The following QARS1 variants were observed in gnomAD, a reference collection of about 807,000 sequenced individuals.
QARS1 encodes the protein glutamine--tRNA ligase.
A neutral mutation model predicts 106.9 loss-of-function variants in QARS1; 79 were observed. The observed-to-expected ratio is 0.74, with a 90% CI of 0.62 to 0.89. The LOEUF (loss-of-function observed/expected upper bound fraction) is 0.89, where lower values mean the gene tolerates loss of function less well. Ranked by LOEUF, QARS1 falls within the 40% of genes least tolerant of loss-of-function variation. QARS1 has a pLI of 0.00. For missense variants in QARS1, 966 were observed against 997.2 expected (o/e 0.97, Z 0.42); for synonymous variants, 395 against 367.7 (o/e 1.07, Z -0.85).
rs1215632056 is a variant in QARS1 at position 49,097,974 on chromosome 3, G to T, written c.2277+18C>A. ...CTGTCACTGCTGCAGATGAGGGCAG[G>T]TGAGTAAAGTCAAGCACCTTTCCCT... is the stretch of plus-strand genomic sequence containing the variant. On this transcript the variant is annotated intron_variant, in intron 23 of 23. Coordinates refer to ENST00000306125, the MANE Select transcript of QARS1 (RefSeq NM_005051.3). 7 of 1,613,940 alleles carry T rather than the reference G, an allele frequency of 4.3e-6. No individual in the cohort carries two copies. The highest frequency in any genetic ancestry group is 1.3e-5 in the African/African-American group (1 of 74,928).
At position 49,096,092 on chromosome 3, in the gene QARS1, G is replaced by A. The variant is rs776993371; in HGVS notation, c.2278-13C>T. Reference sequence around the variant, plus strand: ...GGTTAAAGACAAGCTGGAGGGCAGAGGGAAAAGGATGACCACCAACCCAGA... The same window carrying A: ...GGTTAAAGACAAGCTGGAGGGCAGAAGGAAAAGGATGACCACCAACCCAGA... On this transcript the variant is annotated splice_polypyrimidine_tract_variant and intron_variant, in intron 23 of 23. Transcript: ENST00000306125. 4 of 1,613,448 alleles carry A rather than the reference G, an allele frequency of 2.5e-6. No individual in the cohort carries two copies. Among genetic ancestry groups the A allele is most frequent in the South Asian group, 2.2e-5 (2 of 90,914 alleles).
Position 49,104,712 on chromosome 3 carries a change from A to G in QARS1, c.22T>C (p.Ser8Pro). The G allele has an allele frequency of 1.2e-6, 2 of 1,612,862 alleles. No individual in the cohort carries two copies. Among genetic ancestry groups the G allele is most frequent in the Non-Finnish European group, 1.7e-6 (2 of 1,179,398 alleles). The change falls in exon 1 of 24, where the codon TCG (serine) becomes CCG (proline). Residue 8 changes from serine to proline, a missense_variant. Transcript: ENST00000306125. Reference sequence around the variant, plus strand: ...CTCAGGCCGAGGCTAGTGAAGAGCGACAGGGAGTCTAGAGCCGCCATTGCA... The same window carrying G: ...CTCAGGCCGAGGCTAGTGAAGAGCGGCAGGGAGTCTAGAGCCGCCATTGCA... MAALDSL[S>P]LFTSLGLSEQ...
At chr3:49,103,463 A>C in intron 4 of QARS1, 54 bp from the exon 5 acceptor site, 1 of 1,598,526 alleles carries the variant, frequency 6.3e-7, no homozygotes. Flanking sequence ...TACTCCCCCC[A>C]CCTCTTTCCC....
At chr3:49,102,340 C>G (rs1267471360) in intron 6 of QARS1, 75 bp from the exon 7 acceptor site, 1 of 1,612,610 alleles carries the variant, frequency 6.2e-7, no homozygotes, top group African/African-American at 1.3e-5. Context: ...TCCCTGTGGT[C>G]AGACACTTCC....
Position 49,104,629 on chromosome 3 carries a change from C to G in QARS1, c.105G>C (p.Glu35Asp). The G allele has an allele frequency of 6.2e-7, 1 of 1,604,834 alleles. No individual in the cohort carries two copies. Among genetic ancestry groups the G allele is most frequent in the African/African-American group, 1.3e-5 (1 of 74,866 alleles). ...KNSALSAQLR[E>D]AATQAQQTLG... ...GAGGGGCTCGCACCTGAGTAGCGGC[C>G]TCGCGCAGCTGCGCGCTCAGAGCCG... Residue 35 changes from glutamate to aspartate, a missense_variant, in exon 1 of 24, where the codon GAG becomes GAC. Coordinates refer to ENST00000306125, the MANE Select transcript of QARS1 (RefSeq NM_005051.3).
chr3:49,099,163 T>C lies in QARS1; in HGVS notation c.1705A>G (p.Met569Val), dbSNP rs1182421210. The C allele has an allele frequency of 6.2e-7, 1 of 1,614,182 alleles. No individual in the cohort carries two copies. The highest frequency in any genetic ancestry group is 1.1e-5 in the South Asian group (1 of 91,086). ...DVLNDTAPRA[M>V]AVLESLRVII... is the part of the protein sequence containing the mutation. Reference sequence around the variant, plus strand: ...ACCCGTAGTGACTCCAGCACAGCCATGGCTCGTGGGGCTGTGTCATTCAGC... The same window carrying C: ...ACCCGTAGTGACTCCAGCACAGCCACGGCTCGTGGGGCTGTGTCATTCAGC... Residue 569 changes from methionine (M) to valine (V), a missense_variant, in exon 18 of 24, where the codon ATG becomes GTG. Physicochemically the swap from Met to Val is conservative, Grantham distance 21. Transcript: ENST00000306125.
At chr3:49,100,931 G>T (rs1411541143) in intron 10 of QARS1, among the ~76,000 whole-genome samples, 1 of 152,126 alleles carries the variant, frequency 6.6e-6, no homozygotes, top group Admixed American at 6.5e-5. Context: ...TAGTAGAGAT[G>T]GGGTTTCACC....
At chr3:49,098,283 C>G (rs759914821) in intron 21 of QARS1, 25 bp from the exon 22 acceptor site, 6 of 1,614,174 alleles carry the variant, frequency 3.7e-6, no homozygotes, top group Non-Finnish European at 5.1e-6. Context: ...AAGGTCATAC[C>G]CCCAGCTGGG....
In QARS1 at chr3:49,098,379, C is replaced by T. The variant is rs765497781; in HGVS notation, c.2058G>A (p.Met686Ile). Residue 686 changes from methionine (M) to isoleucine (I), a missense_variant, in exon 21 of 24, where the codon ATG becomes ATA. By Grantham distance (10) the Met-to-Ile change is conservative (BLOSUM62 1). Transcript: ENST00000306125. Reference protein sequence around the residue: ...AFIHWVSQPLMCEVRLYERLF... With the variant: ...AFIHWVSQPLICEVRLYERLF... ...GTCGCTCATAGAGGCGAACCTCACACATCAAAGGCTGTGACACCCAGTGAA... is the reference window on the plus strand; with the variant it reads ...GTCGCTCATAGAGGCGAACCTCACATATCAAAGGCTGTGACACCCAGTGAA... 2 of 1,614,222 alleles carry T rather than the reference C, an allele frequency of 1.2e-6. No homozygotes were observed. Among genetic ancestry groups the T allele is most frequent in the South Asian group, 1.1e-5 (1 of 91,090 alleles).
Position 49,104,341 on chromosome 3 carries a change from G to T in QARS1, c.248C>A (p.Thr83Asn). Residue 83 changes from threonine to asparagine, a missense_variant, in exon 2 of 24, where the codon ACT (threonine) becomes AAT (asparagine). Physicochemically the swap from Thr to Asn is moderately conservative, Grantham distance 65. Transcript: ENST00000306125. ...GGTCTCACCGCTTAGCTGGGGCTCA[G>T]TGTGGATCTTCTTACTGGCTATGTA... ...VSYIASKKIH[T>N]EPQLSAALEY... is the part of the protein sequence containing the mutation. 6.2e-7 allele frequency: 1 copy of T among 1,614,216 alleles called. No homozygotes were observed. Among genetic ancestry groups the T allele is most frequent in the Non-Finnish European group, 8.5e-7 (1 of 1,180,028 alleles).
chr3:49,104,207 G>A, intron 2 of QARS1, 117 bp downstream of exon 2: 1 of 1,448,902 alleles, frequency 6.9e-7, no homozygotes, highest in Non-Finnish European at 9.6e-7. Context: ...ATGCCTCAGT[G>A]CCTGTGCAGA....
chr3:49,104,116 G>A (rs779860289), intron 2 of QARS1, 144 bp from the exon 3 acceptor site: 31 of 1,118,034 alleles, frequency 2.8e-5, no homozygotes, highest in Middle Eastern at 3.9e-4. Flanking sequence ...ACACAGGGAA[G>A]AAAGAAGCAC....
In QARS1 at chr3:49,104,752, T is replaced by C. The variant is rs757825329; in HGVS notation, c.-19A>G. On this transcript the variant is annotated 5_prime_UTR_variant, in exon 1 of 24. Transcript: ENST00000306125. ...CCGCCATTGCAGAGACACCGGAAACTAAAAGAAACTTAGGCCCCAGTCTGC... is the reference window on the plus strand; with the variant it reads ...CCGCCATTGCAGAGACACCGGAAACCAAAAGAAACTTAGGCCCCAGTCTGC... 2 of 1,607,590 alleles carry C rather than the reference T, an allele frequency of 1.2e-6. No individual in the cohort carries two copies. Among genetic ancestry groups the C allele is most frequent in the Admixed American group, 3.3e-5 (2 of 59,980 alleles).
chr3:49,097,880 A>G, intron 23 of QARS1, 112 bp downstream of exon 23: 1 of 1,425,150 alleles, frequency 7.0e-7, no homozygotes, highest in Non-Finnish European at 9.6e-7. Context: ...ATGAATACCA[A>G]CTCCCTCAGG....
chr3:49,103,425 C>T lies in QARS1; in HGVS notation c.452-16G>A, dbSNP rs757614283. 3.7e-6 allele frequency: 6 copies of T among 1,614,074 alleles called. No homozygotes were observed. In the East Asian group the frequency reaches 1.1e-4, roughly 30 times the overall value. ...CGAGCCTCTCCTAGAAGCATAGGCACAAGGAGCTGCAGAAAGGCAAAAAAG... is the reference window on the plus strand; with the variant it reads ...CGAGCCTCTCCTAGAAGCATAGGCATAAGGAGCTGCAGAAAGGCAAAAAAG... On this transcript the variant is annotated splice_polypyrimidine_tract_variant and intron_variant, in intron 4 of 23. Coordinates refer to ENST00000306125, the MANE Select transcript of QARS1 (RefSeq NM_005051.3).
At position 49,099,956 on chromosome 3, in the gene QARS1, C is replaced by T. The variant is rs374561502; in HGVS notation, c.1295+5G>A. 3 of 1,614,198 alleles carry T rather than the reference C, an allele frequency of 1.9e-6. No homozygotes were observed. Among genetic ancestry groups the T allele is most frequent in the Non-Finnish European group, 2.5e-6 (3 of 1,180,026 alleles). On this transcript the variant is annotated splice_donor_5th_base_variant and intron_variant, in intron 14 of 23. Transcript: ENST00000306125. The stretch of plus-strand genomic sequence containing the variant: ...CCCCACCACCCCACCCCATTCTACA[C>T]CCACCATTTGTCCCCTGTGCGGTGG...
chr3:49,097,911 A>G, intron 23 of QARS1, 81 bp downstream of exon 23: 1 of 1,566,126 alleles, frequency 6.4e-7, no homozygotes, highest in Non-Finnish European at 8.7e-7. Context: ...TAACTAAGGG[A>G]ATGTATGCAG....
chr3:49,103,963 T>C lies in QARS1; in HGVS notation c.275A>G (p.Glu92Gly). Residue 92 changes from glutamate to glycine, a missense_variant, in exon 3 of 24, where the codon GAG (glutamate) becomes GGG (glycine). Coordinates refer to ENST00000306125, the MANE Select transcript of QARS1 (RefSeq NM_005051.3). ...HTEPQLSAAL[E>G]YVRSHPLDPI... The stretch of plus-strand genomic sequence containing the variant: ...GTCCAAGGGGTGACTCCGCACATAC[T>C]CAAGGGCAGCTGAGAAGAAAGAGCC... 1 of 1,613,698 alleles carries C rather than the reference T, an allele frequency of 6.2e-7. No homozygotes were observed.
intron 23 of QARS1, among the ~76,000 whole-genome samples, chr3:49,096,911 G>C (rs551775867): frequency 8.6e-5 from 13 of 150,864 alleles, no homozygotes; most frequent in Middle Eastern, 3.4e-3. Context: ...CTTGAGCCTG[G>C]GAGGCGGAGG....
Sources: allele counts gnomAD v4.1 joint callset (sites outside exome capture counted in the v4.1 genomes callset), GRCh38; gene constraint gnomAD v4.1.1; transcripts MANE v1.5; gene names NCBI Gene and HGNC (gene_info 2026-07-23, HGNC 2026-07-21).